Variants in COL22A1 observed in about 807,000 individuals in gnomAD.
COL22A1 encodes collagen alpha-1(XXII) chain.
In COL22A1, 221 loss-of-function variants were observed where a neutral mutation model predicts 248.9. The observed-to-expected ratio is 0.89, with a 90% CI of 0.80 to 0.99. The LOEUF is 0.99. COL22A1 is among the 50% of genes least tolerant of loss of function. The probability of loss-of-function intolerance (pLI) is 0.00; values close to 1 mark genes in which losing one functional copy is unlikely to be tolerated. For synonymous variants in COL22A1, 891 were observed against 793.4 expected (o/e 1.12, Z -2.07); for missense variants, 2,240 against 2,179.0 (o/e 1.03, Z -0.56).
chr8:138,857,515 G>A (rs1203515835), intron 3 of COL22A1, among the ~76,000 whole-genome samples: 5 of 152,088 alleles, frequency 3.3e-5, no homozygotes, highest in East Asian at 1.9e-4. Flanking sequence ...GGAGGGAATC[G>A]GCTGACCCTG....
chr8:138,901,023 T>C (rs922016490), intron 1 of COL22A1, among the ~76,000 whole-genome samples: 13 of 152,340 alleles, frequency 8.5e-5, no homozygotes, highest in African/African-American at 3.1e-4. Context: ...TAGTATTCTT[T>C]GGCTACTCAT....
intron 56 of COL22A1, among the ~76,000 whole-genome samples, chr8:138,611,706 A>C (rs1378156963): frequency 6.6e-6 from 1 of 152,190 alleles, no homozygotes; most frequent in East Asian, 1.9e-4. Flanking sequence ...GAGAGCTCAC[A>C]CCCAGGGAGC....
At chr8:138,806,065 G>GGT (rs750278237) in intron 10 of COL22A1, among the ~76,000 whole-genome samples, 558 of 6,138 alleles carry the variant, frequency 0.091, 3 homozygotes, top group Middle Eastern at 0.25. Flanking sequence ...GGTGTGTGGT[G>GGT]GTGTGTGTGA....
At chr8:138,671,393 T>C (rs1825012054) in intron 41 of COL22A1, among the ~76,000 whole-genome samples, 1 of 152,204 alleles carries the variant, frequency 6.6e-6, no homozygotes. Context: ...CATAACTGCA[T>C]AAAATTAATG....
At chr8:138,693,262 G>T (rs1041472066) in intron 35 of COL22A1, among the ~76,000 whole-genome samples, 2 of 152,184 alleles carry the variant, frequency 1.3e-5, no homozygotes, top group African/African-American at 2.4e-5. Flanking sequence ...GTGTGTGTGT[G>T]TGTGCACCTG....
chr8:138,833,407 A>G (rs1820198178), intron 4 of COL22A1, among the ~76,000 whole-genome samples: 1 of 152,244 alleles, frequency 6.6e-6, no homozygotes, highest in East Asian at 1.9e-4. Context: ...ATGTGTGTGC[A>G]TGTGGTTAAG....
chr8:138,624,740 GACAGCTT>G, intron 51 of COL22A1, among the ~76,000 whole-genome samples: 1 of 152,126 alleles, frequency 6.6e-6, no homozygotes, highest in East Asian at 1.9e-4. Flanking sequence ...GTGTGTCCTG[GACAGCTT>G]ACTTAACCTC....
intron 41 of COL22A1, among the ~76,000 whole-genome samples, chr8:138,675,455 C>G (rs1825433626): frequency 2.0e-5 from 3 of 152,102 alleles, no homozygotes; most frequent in Admixed American, 6.6e-5. Context: ...ATGTATTACT[C>G]CAGTTTATAT....
At chr8:138,602,271 G>T in intron 59 of COL22A1, 112 bp from the exon 60 acceptor site, 1 of 1,190,308 alleles carries the variant, frequency 8.4e-7, no homozygotes, top group Non-Finnish European at 1.2e-6. Context: ...ACCCTCAAAA[G>T]ATAAGGTCCC....
intron 33 of COL22A1, 98 bp downstream of exon 33, chr8:138,694,728 G>T: frequency 1.4e-6 from 2 of 1,450,574 alleles, no homozygotes; most frequent in Non-Finnish European, 1.9e-6. Flanking sequence ...TGGCTCCTGG[G>T]TGTGGAATGC....
intron 46 of COL22A1, among the ~76,000 whole-genome samples, chr8:138,648,786 C>T (rs1020517279): frequency 2.6e-5 from 4 of 151,832 alleles, no homozygotes. Flanking sequence ...TTAGCTAAGA[C>T]GGAGGGCCAT....
chr8:138,623,915 G>A, intron 51 of COL22A1, 130 bp from the exon 52 acceptor site: 3 of 693,932 alleles, frequency 4.3e-6, no homozygotes, highest in African/African-American at 1.8e-5. Flanking sequence ...CTAAGGCAGT[G>A]TCTCAACGGA....
intron 1 of COL22A1, among the ~76,000 whole-genome samples, chr8:138,895,213 T>C (rs904308066): frequency 3.9e-5 from 6 of 152,052 alleles, no homozygotes; most frequent in Admixed American, 3.9e-4. Flanking sequence ...TAAAATTAAA[T>C]AGAATCCAGA....
At chr8:138,690,441 A>G in intron 36 of COL22A1, among the ~76,000 whole-genome samples, 1 of 152,176 alleles carries the variant, frequency 6.6e-6, no homozygotes, top group Non-Finnish European at 1.5e-5. Flanking sequence ...GGGCTTGCCA[A>G]GATGGTCATG....
intron 55 of COL22A1, among the ~76,000 whole-genome samples, chr8:138,615,558 T>C (rs1587680778): frequency 1.3e-5 from 2 of 151,500 alleles, no homozygotes; most frequent in African/African-American, 4.9e-5. Flanking sequence ...ATTTTTTTTT[T>C]CTTGTTCTGC....
At chr8:138,692,253 T>TTTGTGGAG (rs1827093911) in intron 35 of COL22A1, among the ~76,000 whole-genome samples, 1 of 133,054 alleles carries the variant, frequency 7.5e-6, no homozygotes, top group Non-Finnish European at 1.7e-5. Flanking sequence ...TGGACGTATG[T>TTTGTGGAG]GTGCGTGTGT....
intron 47 of COL22A1, among the ~76,000 whole-genome samples, chr8:138,644,540 C>T (rs1439647404): frequency 6.6e-6 from 1 of 152,068 alleles, no homozygotes; most frequent in Admixed American, 6.6e-5. Context: ...AGTTCCCAGC[C>T]TGACCACCAT....
At position 138,656,040 on chromosome 8, in the gene COL22A1, C is replaced by T. The variant is rs78639737; in HGVS notation, c.3286-96G>A. ...AGCAAAAGGACTTTAAAGTGTGACA[C>T]AATACGTGACACACTGCGCCGTGCG... On this transcript the variant is annotated intron_variant, in intron 44 of 64. Transcript: ENST00000303045. The T allele has an allele frequency of 3.7e-3, 3,622 of 973,266 alleles. 73 individuals carry two copies. In the African/African-American group the frequency reaches 0.053, roughly 14 times the overall value. The allele number at this position is 973,266 out of a possible 1,614,324, so 60.3% of individuals were successfully genotyped here.
intron 60 of COL22A1, among the ~76,000 whole-genome samples, chr8:138,601,321 C>A (rs1817988507): frequency 6.6e-6 from 1 of 152,102 alleles, no homozygotes; most frequent in African/African-American, 2.4e-5. Context: ...AGACTCTGCC[C>A]CCACTTTTCT....
Sources: allele counts gnomAD v4.1 joint callset (sites outside exome capture counted in the v4.1 genomes callset), GRCh38; gene constraint gnomAD v4.1.1; transcripts MANE v1.5; gene names NCBI Gene and HGNC (gene_info 2026-07-23, HGNC 2026-07-21).